PLEKHG4B: variants seen among roughly 807,000 people sequenced by gnomAD.
The protein encoded by PLEKHG4B is pleckstrin homology and RhoGEF domain containing G4B, also known as pleckstrin homology domain-containing family G member 4B.
In PLEKHG4B, 111 loss-of-function variants were observed where a neutral mutation model predicts 121.3. The ratio of observed to expected loss-of-function variants is 0.92; its 90% confidence interval spans 0.78 to 1.07. The LOEUF (loss-of-function observed/expected upper bound fraction) is 1.07, where lower values mean the gene tolerates loss of function less well. PLEKHG4B is among the 50% of genes least tolerant of loss of function. The pLI, the probability that PLEKHG4B is intolerant of heterozygous loss-of-function variation, is 0.00. For missense variants in PLEKHG4B, 1,831 were observed against 1,757.8 expected, an observed-to-expected ratio of 1.04 and a Z score of -0.74; for synonymous variants, 738 against 725.0, an observed-to-expected ratio of 1.02 and a Z score of -0.29.
intron 18 of PLEKHG4B, among the ~76,000 whole-genome samples, chr5:177,804 A>G (rs543484192): frequency 6.6e-6 from 1 of 152,314 alleles, no homozygotes; most frequent in East Asian, 1.9e-4. Context: ...CCGTGTGCAC[A>G]GTGCGCACCT....
intron 1 of PLEKHG4B, among the ~76,000 whole-genome samples, chr5:95,261 T>TACGTCAGCCAGGTAAA (rs1189028385): frequency 1.3e-5 from 2 of 152,172 alleles, no homozygotes; most frequent in Non-Finnish European, 2.9e-5. Flanking sequence ...CTGGAGTCGT[T>TACGTCAGCCAGGTAAA]ACGTCAGCCA....
chr5:124,519 G>A (rs1429709756), intron 2 of PLEKHG4B, among the ~76,000 whole-genome samples: 1 of 152,196 alleles, frequency 6.6e-6, no homozygotes, highest in East Asian at 1.9e-4. Flanking sequence ...AGCTGTCTGT[G>A]TCTGTCTTCA....
chr5:116,963 CT>C lies in PLEKHG4B; in HGVS notation c.243+3518del, dbSNP rs540344809. ...AGAGGTGCCTGCTGGAGCCCCACTG[CT>C]TTCGCTGCGTCTGAAAACGCGTGGC... On this transcript the variant is annotated intron_variant, in intron 2 of 19. Coordinates refer to ENST00000637938, the MANE Select transcript of PLEKHG4B (RefSeq NM_052909.5). Among the ~76,000 whole-genome samples the C allele has an allele frequency of 1.5e-3, 228 of 152,326 alleles. 2 individuals are homozygous for C. The highest frequency in any genetic ancestry group is 1.9e-3 in the Non-Finnish European group (132 of 68,028).
Position 140,335 on chromosome 5 carries a change from C to T in PLEKHG4B, c.1096C>T (p.Leu366=), listed in dbSNP as rs930769742. Reference sequence around the variant, plus strand: ...GGAAGCCTTGCGGAACCCCATGCCCCTGGGCAGCTCTGAGGAGGCCCTCGG... The same window carrying T: ...GGAAGCCTTGCGGAACCCCATGCCCTTGGGCAGCTCTGAGGAGGCCCTCGG... ...YMEALRNPMP[L]GSSEEALGDL... Residue 366 remains leucine, a synonymous_variant, in exon 3 of 20, where the codon CTG becomes TTG. Transcript: ENST00000637938. The T allele has an allele frequency of 3.2e-6, 5 of 1,541,070 alleles. No individual in the cohort carries two copies. The highest frequency in any genetic ancestry group is 4.1e-5 in the Admixed American group (2 of 49,044).
At position 159,077 on chromosome 5, in the gene PLEKHG4B, C is replaced by A. The variant is rs1388690056; in HGVS notation, c.2487+2166C>A. ...AGCCTTCTGCCTGTGCCCTGCTTCT[C>A]GGTGGAAGCCACAGACTTTCCTGTC... On this transcript the variant is annotated intron_variant, in intron 11 of 19. Coordinates refer to ENST00000637938, the MANE Select transcript of PLEKHG4B (RefSeq NM_052909.5). This position sits in a 1 kb window ranked among gnomAD's most constrained non-coding sequence, Gnocchi z 5.5. Among the ~76,000 whole-genome samples, 2 of 152,110 alleles carry A rather than the reference C, an allele frequency of 1.3e-5. No homozygotes were observed. Among genetic ancestry groups the A allele is most frequent in the Non-Finnish European group, 2.9e-5 (2 of 68,008 alleles).
At chr5:135,690 T>A (rs1339514051) in intron 2 of PLEKHG4B, among the ~76,000 whole-genome samples, 1,314 of 43,518 alleles carry the variant, frequency 0.03, 19 homozygotes, top group African/African-American at 0.073. Context: ...AAAATATATA[T>A]ATATATATAT....
chr5:130,061 A>AAGAGAGAGAGAGAGAG (rs754535739), intron 2 of PLEKHG4B, among the ~76,000 whole-genome samples: 60 of 150,462 alleles, frequency 4.0e-4, no homozygotes, highest in African/African-American at 1.4e-3. Context: ...AGTGAATATG[A>AAGAGAGAGAGAGAGAG]AGAGAGAGTG....
chr5:135,698 T>A (rs1486932199), intron 2 of PLEKHG4B, among the ~76,000 whole-genome samples: 958 of 60,960 alleles, frequency 0.016, 59 homozygotes, highest in African/African-American at 0.059. Context: ...TATATATATA[T>A]ATATATATAT....
intron 2 of PLEKHG4B, among the ~76,000 whole-genome samples, chr5:128,189 A>G (rs1734676599): frequency 6.6e-6 from 1 of 152,228 alleles, no homozygotes. Context: ...AGATCTAGCT[A>G]TGTTAATAGA....
In PLEKHG4B at chr5:173,939, G is replaced by C. The variant is rs772357116; in HGVS notation, c.4243G>C (p.Glu1415Gln). Residue 1415 changes from glutamate to glutamine, a missense_variant, in exon 18 of 20, where the codon GAG (glutamate) becomes CAG (glutamine). By Grantham distance (29) the Glu-to-Gln change is conservative (BLOSUM62 2). Coordinates refer to ENST00000637938, the MANE Select transcript of PLEKHG4B (RefSeq NM_052909.5). ...SFKTAEIGMT[E>Q]NVGDSGLRFE... ...GCAGACGGCCGAGATCGGGATGACA[G>C]AGAACGTCGGGGACAGTGGCTTGAG... 15 of 1,613,682 alleles carry C rather than the reference G, an allele frequency of 9.3e-6. No homozygotes were observed. Among genetic ancestry groups the C allele is most frequent in the Non-Finnish European group, 1.7e-6 (2 of 1,179,934 alleles).
chr5:141,433 C>T (rs1447039966), intron 3 of PLEKHG4B, among the ~76,000 whole-genome samples: 1 of 150,338 alleles, frequency 6.7e-6, no homozygotes, highest in African/African-American at 2.5e-5. Flanking sequence ...CCAGGTGTCC[C>T]GGGCTGTGGC....
At chr5:111,116 C>G (rs1169704829) in intron 1 of PLEKHG4B, among the ~76,000 whole-genome samples, 1 of 152,260 alleles carries the variant, frequency 6.6e-6, no homozygotes, top group East Asian at 1.9e-4. Flanking sequence ...CAAAGGTGCT[C>G]CCCAGAATCG....
rs772090730 is a variant in PLEKHG4B, at chr5:173,080, C to A, written c.4221+13C>A. On this transcript the variant is annotated intron_variant, in intron 17 of 19. Transcript: ENST00000637938. ...GCAGTCCTTCAAGGTAGCACCCGCCCGGTCCGATTGGGTGCAGGCCGAGCC... is the reference window on the plus strand; with the variant it reads ...GCAGTCCTTCAAGGTAGCACCCGCCAGGTCCGATTGGGTGCAGGCCGAGCC... 7 of 1,612,764 alleles carry A rather than the reference C, an allele frequency of 4.3e-6. No homozygotes were observed. The Admixed American group carries it at 1.2e-4, about 27-fold the overall frequency.
intron 2 of PLEKHG4B, among the ~76,000 whole-genome samples, chr5:121,097 A>T (rs1280673143): frequency 2.0e-5 from 3 of 152,030 alleles, no homozygotes; most frequent in Non-Finnish European, 4.4e-5. Flanking sequence ...ATACAAAAAA[A>T]TTAGCCAGTC....
In PLEKHG4B at chr5:156,719, G is replaced by A. The variant is rs1041762786; in HGVS notation, c.2349-54G>A. The A allele has an allele frequency of 2.1e-5, 32 of 1,515,612 alleles. No individual in the cohort carries two copies. Among genetic ancestry groups the A allele is most frequent in the Non-Finnish European group, 2.6e-5 (29 of 1,126,824 alleles). The allele number at this position is 1,515,612 out of a possible 1,614,324, so 93.9% of individuals were successfully genotyped here. A position where few individuals can be genotyped will look rare whatever the true frequency, so the allele number is the denominator to read the frequency against. On this transcript the variant is annotated intron_variant, in intron 10 of 19. Coordinates refer to ENST00000637938, the MANE Select transcript of PLEKHG4B (RefSeq NM_052909.5). The surrounding 1 kb of genome is among the most constrained non-coding windows in gnomAD (Gnocchi z 4.4). ...TTTTTATATGGGGTTGTCACCAAGA[G>A]CAGATTCCTCAAGGGGCCGCCTGGA...
chr5:111,080 C>G (rs549048228), intron 1 of PLEKHG4B, among the ~76,000 whole-genome samples: 2 of 152,384 alleles, frequency 1.3e-5, no homozygotes, highest in African/African-American at 2.4e-5. Flanking sequence ...GCTCCCTCAT[C>G]ATGAGCAGTC....
intron 11 of PLEKHG4B, among the ~76,000 whole-genome samples, chr5:158,220 C>G (rs1349929814): frequency 9.0e-5 from 13 of 144,124 alleles, no homozygotes; most frequent in Admixed American, 2.8e-4. Flanking sequence ...TCCTGGGGGT[C>G]TCCCCCATCT....
intron 1 of PLEKHG4B, among the ~76,000 whole-genome samples, chr5:109,397 C>CAAAAAAAAAAAAAAAAAA (rs34972342): frequency 1.6e-5 from 1 of 61,838 alleles, no homozygotes; most frequent in African/African-American, 7.7e-5. Flanking sequence ...ACTCTGTCTC[C>CAAAAAAAAAAAAAAAAAA]AAAAAAAAAA....
chr5:134,076 AATAT>A (rs67940117), intron 2 of PLEKHG4B, among the ~76,000 whole-genome samples: 5,320 of 39,664 alleles, frequency 0.13, 309 homozygotes, highest in Non-Finnish European at 0.16. Flanking sequence ...TATATGATAG[AATAT>A]ATATATATAT....
Sources: gnomAD v4.1 joint callset for allele counts (sites outside exome capture counted in the v4.1 genomes callset) on GRCh38, gnomAD v4.1.1 for gene constraint, Gnocchi (gnomAD v3.1) non-coding constraint, MANE v1.5 for transcripts, NCBI Gene and HGNC (gene_info 2026-07-23, HGNC 2026-07-21) for gene names.